The following STXBP5L variants were observed in gnomAD, a reference collection of about 807,000 sequenced individuals.
The protein encoded by STXBP5L is syntaxin-binding protein 5-like.
STXBP5L carries 65 observed loss-of-function variants against 144.5 expected under a neutral mutation model. The observed-to-expected ratio is 0.45, with a 90% confidence interval of 0.37 to 0.55. The LOEUF (loss-of-function observed/expected upper bound fraction) is 0.55, where lower values mean the gene tolerates loss of function less well. Ranked by LOEUF, STXBP5L falls within the 20% of genes least tolerant of loss-of-function variation. The pLI is 0.00. For missense variants in STXBP5L, 1,298 were observed against 1,405.5 expected (o/e 0.92, Z 1.22); for synonymous variants, 505 against 469.6 (o/e 1.08, Z -0.97).
At chr3:121,248,005 T>C (rs985364802) in intron 14 of STXBP5L, among the ~76,000 whole-genome samples, 3 of 152,242 alleles carry the variant, frequency 2.0e-5, no homozygotes, top group Non-Finnish European at 4.4e-5. Flanking sequence ...TTTTTAATAA[T>C]AGCCATTCTG....
intron 11 of STXBP5L, among the ~76,000 whole-genome samples, chr3:121,229,030 A>C (rs2049215399): frequency 6.6e-6 from 1 of 152,216 alleles, no homozygotes; most frequent in East Asian, 1.9e-4. Flanking sequence ...AGCCAGCTTA[A>C]TCACACCCAG....
intron 3 of STXBP5L, among the ~76,000 whole-genome samples, chr3:120,958,737 T>C (rs61797907): frequency 0.37 from 56,837 of 151,802 alleles, 10,810 homozygotes; most frequent in Non-Finnish European, 0.4. Flanking sequence ...ATAAATTAGG[T>C]ATTGATGGGA....
chr3:121,290,782 G>T (rs78715334), intron 19 of STXBP5L, among the ~76,000 whole-genome samples: 5 of 151,562 alleles, frequency 3.3e-5, no homozygotes, highest in Admixed American at 6.6e-5. Flanking sequence ...GATACATCAC[G>T]AAACAAAATT....
intron 9 of STXBP5L, among the ~76,000 whole-genome samples, chr3:121,166,107 T>A (rs890093031): frequency 6.6e-6 from 1 of 152,048 alleles, no homozygotes; most frequent in African/African-American, 2.4e-5. Context: ...CCTCTGCCTC[T>A]TGGACTCAAG....
chr3:121,397,162 GTAAATGC>G (rs1258426567), intron 22 of STXBP5L, among the ~76,000 whole-genome samples: 1 of 152,222 alleles, frequency 6.6e-6, no homozygotes, highest in Non-Finnish European at 1.5e-5. Context: ...TGCAGGAATT[GTAAATGC>G]AAACCGTTCA....
chr3:121,394,066 T>G (rs931123195), intron 22 of STXBP5L, among the ~76,000 whole-genome samples: 1 of 152,222 alleles, frequency 6.6e-6, no homozygotes, highest in African/African-American at 2.4e-5. Flanking sequence ...GAGTATGGGA[T>G]GTTTTTTCAT....
At chr3:120,966,984 C>T (rs115427383) in intron 3 of STXBP5L, among the ~76,000 whole-genome samples, 6,122 of 152,180 alleles carry the variant, frequency 0.04, 170 homozygotes, top group Middle Eastern at 0.082. Flanking sequence ...GCTTTGTTTA[C>T]CTACTCAAGC....
intron 3 of STXBP5L, among the ~76,000 whole-genome samples, chr3:121,008,578 T>G (rs959843634): frequency 1.3e-5 from 2 of 152,070 alleles, no homozygotes; most frequent in Admixed American, 6.6e-5. Context: ...AATCCTCATC[T>G]TGAATAATAA....
At chr3:121,159,796 AT>A (rs370579875) in intron 9 of STXBP5L, among the ~76,000 whole-genome samples, 4 of 149,964 alleles carry the variant, frequency 2.7e-5, no homozygotes, top group Non-Finnish European at 5.9e-5. Flanking sequence ...TGCCCGGCTA[AT>A]TTTTTTTTGT....
chr3:121,050,319 C>T (rs962657024), intron 5 of STXBP5L, among the ~76,000 whole-genome samples: 3 of 151,808 alleles, frequency 2.0e-5, no homozygotes, highest in Non-Finnish European at 4.4e-5. Context: ...TTCTTTAGTC[C>T]TAATTCTGGT....
At chr3:120,996,319 A>T (rs1042438944) in intron 3 of STXBP5L, among the ~76,000 whole-genome samples, 1 of 151,922 alleles carries the variant, frequency 6.6e-6, no homozygotes, top group African/African-American at 2.4e-5. Flanking sequence ...TTTTAGTGAT[A>T]GTTATTTTTA....
chr3:120,924,817 C>T (rs1026190761), intron 2 of STXBP5L, among the ~76,000 whole-genome samples: 1 of 124,884 alleles, frequency 8.0e-6, no homozygotes, highest in African/African-American at 3.1e-5. Context: ...TCACACCATT[C>T]TTCTGTCTCA....
At chr3:121,319,147 G>A (rs780948614) in intron 20 of STXBP5L, among the ~76,000 whole-genome samples, 11 of 151,942 alleles carry the variant, frequency 7.2e-5, no homozygotes, top group Non-Finnish European at 1.0e-4. Flanking sequence ...TGGTTGGCCT[G>A]TTTTTTAAAA....
intron 3 of STXBP5L, among the ~76,000 whole-genome samples, chr3:120,960,868 C>A (rs1387548155): frequency 6.6e-6 from 1 of 151,718 alleles, no homozygotes; most frequent in Non-Finnish European, 1.5e-5. Context: ...ATGTAACAAA[C>A]CTGCACGTTG....
At chr3:121,054,442 G>T (rs1027904862) in intron 5 of STXBP5L, among the ~76,000 whole-genome samples, 2 of 152,028 alleles carry the variant, frequency 1.3e-5, no homozygotes, top group African/African-American at 2.4e-5. Context: ...CCTTTGTAGG[G>T]ACATGGATTA....
chr3:121,396,752 C>T (rs1186662765), intron 22 of STXBP5L, among the ~76,000 whole-genome samples: 1 of 152,210 alleles, frequency 6.6e-6, no homozygotes. Context: ...TTAGATATTG[C>T]ATTAGCAACT....
intron 5 of STXBP5L, among the ~76,000 whole-genome samples, chr3:121,054,356 G>A (rs532134406): frequency 3.9e-5 from 6 of 152,090 alleles, no homozygotes; most frequent in East Asian, 3.9e-4. Flanking sequence ...GTCCAACAAC[G>A]ATAGACTGGA....
At chr3:120,994,905 G>A (rs1233074771) in intron 3 of STXBP5L, among the ~76,000 whole-genome samples, 1 of 151,928 alleles carries the variant, frequency 6.6e-6, no homozygotes, top group East Asian at 1.9e-4. Context: ...TTGGGTCCTG[G>A]GCTTTTCTTT....
At position 121,388,880 on chromosome 3, in the gene STXBP5L, G is replaced by T. The variant is rs547000017; in HGVS notation, c.2587+7348G>T. On this transcript the variant is annotated intron_variant, in intron 22 of 26. Coordinates refer to ENST00000471454, the MANE Select transcript of STXBP5L (RefSeq NM_001308330.2). ...TTTTGTTGTGTCTCTGCCAGGCTTT[G>T]GTATAAGGATGATGTGGGCCTCATA... Among the ~76,000 whole-genome samples, 22 of 152,258 alleles carry T rather than the reference G, an allele frequency of 1.4e-4. No individual in the cohort carries two copies. In the South Asian group the frequency reaches 2.7e-3, roughly 19 times the overall value.
Sources: allele counts gnomAD v4.1 joint callset (sites outside exome capture counted in the v4.1 genomes callset), GRCh38; gene constraint gnomAD v4.1.1; transcripts MANE v1.5; gene names NCBI Gene and HGNC (gene_info 2026-07-23, HGNC 2026-07-21).